PIMREG: variants seen among roughly 807,000 people sequenced by gnomAD.
The protein encoded by PIMREG is PICALM interacting mitotic regulator.
PIMREG carries 19 observed loss-of-function variants against 24.3 expected under a neutral mutation model. That is an observed-to-expected ratio of 0.78 (90% confidence interval 0.54 to 1.15). The LOEUF (loss-of-function observed/expected upper bound fraction) is 1.15. Among genes scored for constraint, PIMREG ranks in the 50% most tolerant of loss-of-function variants. PIMREG has a pLI of 0.00. For synonymous variants in PIMREG, 112 were observed against 124.1 expected (o/e 0.90, Z 0.65); for missense variants, 283 against 306.8 (o/e 0.92, Z 0.58).
Position 6,450,565 on chromosome 17 carries a change from G to T in PIMREG, c.*218G>T, listed in dbSNP as rs1179219981. The stretch of plus-strand genomic sequence containing the variant: ...TGCCATAGCCTGAGAGTGTCTTGGG[G>T]AGACCTTGCAGAGGGGGAGAATTGT... On this transcript the variant is annotated 3_prime_UTR_variant, in exon 6 of 6. Coordinates refer to ENST00000572447, the MANE Select transcript of PIMREG (RefSeq NM_019013.3). The T allele has an allele frequency of 2.7e-5, 16 of 600,412 alleles. No homozygotes were observed. The highest frequency in any genetic ancestry group is 4.3e-5 in the Non-Finnish European group (15 of 352,418). 37.2% of individuals were successfully genotyped at this position (600,412 alleles called of 1,614,324 possible). A position where few individuals can be genotyped will look rare whatever the true frequency, so the allele number is the denominator to read the frequency against.
In PIMREG at chr17:6,447,637, G is replaced by A. The variant is rs566851364; in HGVS notation, c.469G>A (p.Glu157Lys). Reference sequence around the variant, plus strand: ...TGCCCACTCAGCCGCAGACCCCTGGGAGAAGGAGCATCACCGCCTCTCTGT... The same window carrying A: ...TGCCCACTCAGCCGCAGACCCCTGGAAGAAGGAGCATCACCGCCTCTCTGT... ...APAHSAADPW[E>K]KEHHRLSVRM... Residue 157 changes from glutamate to lysine, a missense_variant, in exon 3 of 6, where the codon GAG becomes AAG. Transcript: ENST00000572447. The A allele has an allele frequency of 5.1e-5, 82 of 1,613,686 alleles. No individual in the cohort carries two copies. The highest frequency in any genetic ancestry group is 6.8e-5 in the Non-Finnish European group (80 of 1,179,902).
chr17:6,450,228 G>A (rs1404911326), intron 5 of PIMREG, 134 bp from the exon 6 acceptor site: 22 of 1,107,022 alleles, frequency 2.0e-5, no homozygotes, highest in Admixed American at 8.3e-5. Context: ...CACTGACCCC[G>A]TCATTAACAG....
At chr17:6,448,889 A>T (rs1913694119) in intron 3 of PIMREG, among the ~76,000 whole-genome samples, 1 of 152,206 alleles carries the variant, frequency 6.6e-6, no homozygotes, top group Admixed American at 6.5e-5. Flanking sequence ...CACTTCAAAA[A>T]TACTCTCCAC....
At chr17:6,450,193 C>T (rs567542117) in intron 5 of PIMREG, 121 bp downstream of exon 5, 20 of 1,225,054 alleles carry the variant, frequency 1.6e-5, no homozygotes, top group East Asian at 4.9e-5. Context: ...ACCTACTTGC[C>T]GCTTGAAGCC....
rs1172443758 is a variant in PIMREG at position 6,450,387 on chromosome 17, G to C, written c.*40G>C. On this transcript the variant is annotated 3_prime_UTR_variant, in exon 6 of 6. Transcript: ENST00000572447. ...GAAACAAGCCCTGTCTGACCGCCAAGGCTTCATACTCAAGGATGTCTATGC... is the reference window on the plus strand; with the variant it reads ...GAAACAAGCCCTGTCTGACCGCCAACGCTTCATACTCAAGGATGTCTATGC... The C allele has an allele frequency of 1.3e-6, 2 of 1,569,164 alleles. No individual in the cohort carries two copies. The highest frequency in any genetic ancestry group is 1.3e-5 in the African/African-American group (1 of 74,402).
chr17:6,445,080 T>C lies in PIMREG; in HGVS notation c.-31T>C. The C allele has an allele frequency of 6.5e-7, 1 of 1,548,886 alleles. No homozygotes were observed. The highest frequency in any genetic ancestry group is 8.7e-7 in the Non-Finnish European group (1 of 1,148,608). On this transcript the variant is annotated 5_prime_UTR_variant, in exon 2 of 6. Coordinates refer to ENST00000572447, the MANE Select transcript of PIMREG (RefSeq NM_019013.3). Reference sequence around the variant, plus strand: ...GCCTTTCGCCCTCCTCCCCAGGGTCTAGTGGACAGAGAAGACTCTTGGCCA... The same window carrying C: ...GCCTTTCGCCCTCCTCCCCAGGGTCCAGTGGACAGAGAAGACTCTTGGCCA...
At chr17:6,448,351 T>C (rs1330292457) in intron 3 of PIMREG, among the ~76,000 whole-genome samples, 1 of 149,832 alleles carries the variant, frequency 6.7e-6, no homozygotes, top group African/African-American at 2.5e-5. Context: ...AAGGATTGTA[T>C]TTCAACTTTC....
intron 3 of PIMREG, among the ~76,000 whole-genome samples, chr17:6,449,030 T>C (rs1913699640): frequency 2.0e-5 from 3 of 152,322 alleles, no homozygotes; most frequent in South Asian, 4.1e-4. Context: ...CACCCAAGCC[T>C]CCTAGTGAGC....
rs911301429 is a variant in PIMREG, at chr17:6,447,519, G to C, written c.351G>C (p.Lys117Asn). The C allele has an allele frequency of 6.8e-6, 11 of 1,614,024 alleles. No individual in the cohort carries two copies. Among genetic ancestry groups the C allele is most frequent in the Non-Finnish European group, 6.8e-6 (8 of 1,179,980 alleles). Residue 117 changes from lysine to asparagine, a missense_variant, in exon 3 of 6, where the codon AAG (lysine) becomes AAC (asparagine). By Grantham distance (94) the Lys-to-Asn change is moderately conservative (BLOSUM62 0). Transcript: ENST00000572447. ...GTKWLVETQV[K>N]ARRRKRGAQK... is the part of the protein sequence containing the mutation. Reference sequence around the variant, plus strand: ...AGTGGCTGGTGGAGACCCAGGTGAAGGCCAGGAGGCGGAAGAGAGGAGCAC... The same window carrying C: ...AGTGGCTGGTGGAGACCCAGGTGAACGCCAGGAGGCGGAAGAGAGGAGCAC...
chr17:6,450,611 A>G lies in PIMREG; in HGVS notation c.*264A>G. On this transcript the variant is annotated 3_prime_UTR_variant, in exon 6 of 6. Transcript: ENST00000572447. ...ATTGTTCCTTCTGCTTTCCTAGGGG[A>G]CTCTTGAGCTTAGAAACTCATCGTA... 1 of 515,548 alleles carries G rather than the reference A, an allele frequency of 1.9e-6. No homozygotes were observed. The highest frequency in any genetic ancestry group is 3.4e-6 in the Non-Finnish European group (1 of 293,324). 31.9% of individuals were successfully genotyped at this position (515,548 alleles called of 1,614,324 possible). A position where few individuals can be genotyped will look rare whatever the true frequency, so the allele number is the denominator to read the frequency against.
rs1299004122 is a variant in PIMREG at position 6,450,036 on chromosome 17, TC to T, written c.696del (p.Ile232MetfsTer50). On this transcript the variant is annotated frameshift_variant, in exon 5 of 6. Transcript: ENST00000572447. LOFTEE classifies it high-confidence loss of function. ...CCTCCCCTTCTCTCTAGTGGTGACA[TC>T]GTCTCTCTCATTCATGACTGAGGAA... is the stretch of plus-strand genomic sequence containing the variant. ...EAIMAEESGD[I>X]VSLIHD 3 of 1,614,002 alleles carry T rather than the reference TC, an allele frequency of 1.9e-6. No individual in the cohort carries two copies. The highest frequency in any genetic ancestry group is 1.3e-5 in the African/African-American group (1 of 74,910).
chr17:6,450,155 A>C, intron 5 of PIMREG, 83 bp downstream of exon 5: 2 of 1,434,762 alleles, frequency 1.4e-6, no homozygotes, highest in East Asian at 4.5e-5. Context: ...AAGCCCACAG[A>C]GCTGATGGGC....
Position 6,447,681 on chromosome 17 carries a change from C to T in PIMREG, c.513C>T (p.Ala171=), listed in dbSNP as rs369603279. 6.2e-7 allele frequency: 1 copy of T among 1,614,176 alleles called. No individual in the cohort carries two copies. Among genetic ancestry groups the T allele is most frequent in the Non-Finnish European group, 8.5e-7 (1 of 1,180,028 alleles). ...HRLSVRMGSH[A]HPLRRSRREA... is the part of the protein sequence containing the mutation. Reference sequence around the variant, plus strand: ...TCTCTGTCCGGATGGGCTCACATGCCCACCCATTACGGCGATCAAGGCGGG... The same window carrying T: ...TCTCTGTCCGGATGGGCTCACATGCTCACCCATTACGGCGATCAAGGCGGG... Residue 171 remains alanine, a synonymous_variant, in exon 3 of 6, where the codon GCC becomes GCT. Transcript: ENST00000572447.
chr17:6,447,397 T>G, intron 2 of PIMREG, 66 bp from the exon 3 acceptor site: 13 of 1,544,690 alleles, frequency 8.4e-6, no homozygotes, highest in Non-Finnish European at 9.7e-6. Context: ...ATTATAGGCG[T>G]GAGCCACCGC....
At chr17:6,449,990 C>A (rs186532401) in intron 4 of PIMREG, 38 bp from the exon 5 acceptor site, 7 of 1,609,412 alleles carry the variant, frequency 4.3e-6, no homozygotes, top group African/African-American at 4.0e-5. Flanking sequence ...TCAGAGCCCA[C>A]CACACCCAGT....
chr17:6,446,070 G>A, intron 2 of PIMREG: 2 of 401,266 alleles, frequency 5.0e-6, no homozygotes, highest in Non-Finnish European at 8.8e-6. Flanking sequence ...TGCTCCTGAT[G>A]GAGACTAAGG....
intron 3 of PIMREG, among the ~76,000 whole-genome samples, chr17:6,448,374 A>G (rs1319553211): frequency 6.7e-6 from 1 of 150,104 alleles, no homozygotes; most frequent in Non-Finnish European, 1.5e-5. Context: ...GCTGAGTTCT[A>G]GGGGGAAATG....
chr17:6,445,301 G>T lies in PIMREG; in HGVS notation c.191G>T (p.Arg64Leu), dbSNP rs143072744. 12 of 1,613,908 alleles carry T rather than the reference G, an allele frequency of 7.4e-6. No homozygotes were observed. The Admixed American group carries it at 1.5e-4, about 20-fold the overall frequency. The change falls in exon 2 of 6, where the codon CGC (arginine) becomes CTC (leucine). Residue 64 changes from arginine (R) to leucine (L), a missense_variant. Physicochemically the swap from Arg to Leu is moderately radical, Grantham distance 102. Coordinates refer to ENST00000572447, the MANE Select transcript of PIMREG (RefSeq NM_019013.3). ...CTGAGAGCCGTCAACCTCAACCTCCGCGCAGGGCCCTCCTGGAAACGCCTG... is the reference window on the plus strand; with the variant it reads ...CTGAGAGCCGTCAACCTCAACCTCCTCGCAGGGCCCTCCTGGAAACGCCTG... ...LPLRAVNLNL[R>L]AGPSWKRLET...
rs949523690 is a variant in PIMREG at position 6,450,589 on chromosome 17, G to T, written c.*242G>T. 9.3e-6 allele frequency: 5 copies of T among 540,344 alleles called. No individual in the cohort carries two copies. The highest frequency in any genetic ancestry group is 3.5e-5 in the Admixed American group (1 of 28,618). The allele number at this position is 540,344 out of a possible 1,614,324, so 33.5% of individuals were successfully genotyped here. On this transcript the variant is annotated 3_prime_UTR_variant, in exon 6 of 6. Coordinates refer to ENST00000572447, the MANE Select transcript of PIMREG (RefSeq NM_019013.3). ...GGAGACCTTGCAGAGGGGGAGAATT[G>T]TTCCTTCTGCTTTCCTAGGGGACTC...
Sources: gnomAD v4.1 joint callset for allele counts (sites outside exome capture counted in the v4.1 genomes callset) on GRCh38, gnomAD v4.1.1 for gene constraint, MANE v1.5 for transcripts, NCBI Gene and HGNC (gene_info 2026-07-23, HGNC 2026-07-21) for gene names.